Variants in PAWR observed in about 807,000 individuals in gnomAD.
The protein encoded by PAWR is pro-apoptotic WT1 regulator, also known as PRKC apoptosis WT1 regulator protein.
In PAWR, 23 loss-of-function variants were observed where a neutral mutation model predicts 32.0. The ratio of observed to expected loss-of-function variants is 0.72; its 90% CI spans 0.52 to 1.02. The LOEUF is 1.02. Among genes scored for constraint, PAWR ranks in the 50% least tolerant of loss-of-function variants. The pLI, the probability that PAWR is intolerant of heterozygous loss-of-function variation, is 0.00. For synonymous variants in PAWR, 226 were observed against 187.1 expected, an observed-to-expected ratio of 1.21 and a Z score of -1.70; for missense variants, 457 against 437.7, an observed-to-expected ratio of 1.04 and a Z score of -0.39.
chr12:79,637,440 A>C (rs1440421604), intron 2 of PAWR, among the ~76,000 whole-genome samples: 1 of 151,574 alleles, frequency 6.6e-6, no homozygotes, highest in Non-Finnish European at 1.5e-5. Context: ...CCATTCTGTC[A>C]TCACTCGACC....
chr12:79,585,122 T>C lies in PAWR; in HGVS notation c.*7485A>G, dbSNP rs1306595878. 2.2e-6 allele frequency: 1 copy of C among 451,814 alleles called. No homozygotes were observed. Among genetic ancestry groups the C allele is most frequent in the Admixed American group, 2.4e-5 (1 of 41,574 alleles). The allele number at this position is 451,814 out of a possible 1,614,324, so 28.0% of individuals were successfully genotyped here. A position where few individuals can be genotyped will look rare whatever the true frequency, so the allele number is the denominator to read the frequency against. On this transcript the variant is annotated 3_prime_UTR_variant, in exon 7 of 7. Transcript: ENST00000328827. Reference sequence around the variant, plus strand: ...TGAGGCTTCTCCTGATACAATCTTTTGCAACATAACCAACAAAGATCAGGA... The same window carrying C: ...TGAGGCTTCTCCTGATACAATCTTTCGCAACATAACCAACAAAGATCAGGA...
At chr12:79,642,723 T>C (rs1363638673) in intron 2 of PAWR, among the ~76,000 whole-genome samples, 1 of 152,128 alleles carries the variant, frequency 6.6e-6, no homozygotes, top group African/African-American at 2.4e-5. Context: ...ACAGTTCATA[T>C]TGGGGGCTAG....
chr12:79,639,881 T>TATTCC lies in PAWR; in HGVS notation c.517-18679_517-18675dup, dbSNP rs71091678. ...CTATTCCTATTCCTATTCCTATTCC[T>TATTCC]ATTCCATTCCATTCCATTCCATTCC... On this transcript the variant is annotated intron_variant, in intron 2 of 6. Transcript: ENST00000328827. Among the ~76,000 whole-genome samples the TATTCC allele has an allele frequency of 4.6e-3, 515 of 112,376 alleles. 16 individuals carry two copies. Among genetic ancestry groups the TATTCC allele is most frequent in the African/African-American group, 0.02 (397 of 19,642 alleles). The allele number at this position is 112,376 out of a possible 152,430, so 73.7% of individuals were successfully genotyped here.
intron 2 of PAWR, among the ~76,000 whole-genome samples, chr12:79,665,305 A>C (rs1407290099): frequency 6.6e-6 from 1 of 152,218 alleles, no homozygotes; most frequent in African/African-American, 2.4e-5. Flanking sequence ...CAAAAACAAC[A>C]AGAGATTAAG....
At position 79,615,929 on chromosome 12, in the gene PAWR, T is replaced by C. The variant is rs527388594; in HGVS notation, c.649-2320A>G. Among the ~76,000 whole-genome samples the C allele has an allele frequency of 2.6e-5, 4 of 151,904 alleles. No homozygotes were observed. In the South Asian group the frequency reaches 8.4e-4, roughly 32 times the overall value. On this transcript the variant is annotated intron_variant, in intron 3 of 6. Coordinates refer to ENST00000328827, the MANE Select transcript of PAWR (RefSeq NM_002583.4). ...AAAATTAGCTGGGTGAAGTGGCGTG[T>C]GCCTGTAGTCCCAGCTACTCGGGAG...
At chr12:79,644,876 G>A (rs919727305) in intron 2 of PAWR, among the ~76,000 whole-genome samples, 3 of 152,036 alleles carry the variant, frequency 2.0e-5, no homozygotes, top group African/African-American at 7.2e-5. Context: ...ATTTCTGAGG[G>A]AAACAAAGTA....
intron 3 of PAWR, among the ~76,000 whole-genome samples, chr12:79,618,692 C>T (rs1467428096): frequency 3.3e-5 from 5 of 152,044 alleles, no homozygotes; most frequent in African/African-American, 7.2e-5. Context: ...AAATGGATGA[C>T]GGCAGAGGAC....
At chr12:79,613,115 G>A (rs879176323) in intron 4 of PAWR, among the ~76,000 whole-genome samples, 5 of 152,094 alleles carry the variant, frequency 3.3e-5, no homozygotes, top group Admixed American at 3.3e-4. Flanking sequence ...GCCATGTGAG[G>A]ACACAGTGAG....
At chr12:79,613,072 G>A (rs978639339) in intron 4 of PAWR, among the ~76,000 whole-genome samples, 2 of 152,168 alleles carry the variant, frequency 1.3e-5, no homozygotes, top group Admixed American at 6.5e-5. Context: ...ACCTCAGAAA[G>A]CTTACTTTCC....
chr12:79,625,328 A>AG (rs1461322538), intron 2 of PAWR, among the ~76,000 whole-genome samples: 1 of 152,140 alleles, frequency 6.6e-6, no homozygotes, highest in African/African-American at 2.4e-5. Context: ...GAGAGAAATG[A>AG]GGGGGAAAAA....
chr12:79,662,143 A>T (rs1480074591), intron 2 of PAWR, among the ~76,000 whole-genome samples: 2 of 136,218 alleles, frequency 1.5e-5, no homozygotes, highest in African/African-American at 5.7e-5. Flanking sequence ...CTGAGGTAGG[A>T]GGTTTACTTG....
intron 4 of PAWR, among the ~76,000 whole-genome samples, chr12:79,599,958 T>C (rs920047241): frequency 3.3e-5 from 5 of 152,198 alleles, no homozygotes; most frequent in Non-Finnish European, 4.4e-5. Flanking sequence ...AAATAATGAA[T>C]TTGGTTTTGA....
Position 79,639,911 on chromosome 12 carries a change from C to T in PAWR, c.517-18704G>A, listed in dbSNP as rs766516333. ...CATTCCATTCCATTCCATTCCATTC[C>T]ATTCTATTCTAGAGATGGAGTCTCA... On this transcript the variant is annotated intron_variant, in intron 2 of 6. Transcript: ENST00000328827. Among the ~76,000 whole-genome samples, 489 of 102,762 alleles carry T rather than the reference C, an allele frequency of 4.8e-3. 11 individuals are homozygous for T. Among genetic ancestry groups the T allele is most frequent in the African/African-American group, 0.022 (444 of 20,110 alleles). 67.4% of individuals were successfully genotyped at this position (102,762 alleles called of 152,430 possible).
intron 5 of PAWR, among the ~76,000 whole-genome samples, chr12:79,594,936 C>T (rs952353423): frequency 3.3e-5 from 5 of 152,092 alleles, no homozygotes; most frequent in Non-Finnish European, 5.9e-5. Flanking sequence ...AGGCTGGTCT[C>T]GAACTCCTGA....
At chr12:79,601,769 C>T (rs1313923555) in intron 4 of PAWR, among the ~76,000 whole-genome samples, 4 of 151,976 alleles carry the variant, frequency 2.6e-5, no homozygotes, top group African/African-American at 4.8e-5. Flanking sequence ...ATCTTAACAC[C>T]GTGTGATACA....
At chr12:79,624,197 G>A (rs542163226) in intron 2 of PAWR, among the ~76,000 whole-genome samples, 7 of 152,182 alleles carry the variant, frequency 4.6e-5, no homozygotes, top group East Asian at 3.9e-4. Flanking sequence ...AGGTAGCCAC[G>A]CACTCCCAGA....
At chr12:79,627,587 T>G (rs1031270253) in intron 2 of PAWR, among the ~76,000 whole-genome samples, 8 of 152,250 alleles carry the variant, frequency 5.3e-5, no homozygotes, top group Admixed American at 2.0e-4. Flanking sequence ...AGAAGCTCTT[T>G]AGTTTAATTA....
At chr12:79,663,890 GA>G (rs1877469529) in intron 2 of PAWR, among the ~76,000 whole-genome samples, 1 of 152,136 alleles carries the variant, frequency 6.6e-6, no homozygotes, top group Non-Finnish European at 1.5e-5. Flanking sequence ...CCAGTTAACT[GA>G]AGAGTAAGAT....
At position 79,589,858 on chromosome 12, in the gene PAWR, GAAT is replaced by G. The variant is rs1434191442; in HGVS notation, c.*2746_*2748del. On this transcript the variant is annotated 3_prime_UTR_variant, in exon 7 of 7. Coordinates refer to ENST00000328827, the MANE Select transcript of PAWR (RefSeq NM_002583.4). ...TTTAAGAAATAGTATTTCTGAACAG[GAAT>G]AATAATTTCACAAATACTAACACTT... 6.6e-6 allele frequency: 1 copy of G among 152,056 alleles called. No individual in the cohort carries two copies. Among genetic ancestry groups the G allele is most frequent in the Non-Finnish European group, 1.5e-5 (1 of 67,986 alleles). The allele number at this position is 152,056 out of a possible 1,614,324, so 9.4% of individuals were successfully genotyped here.
Sources: gnomAD v4.1 joint callset for allele counts (sites outside exome capture counted in the v4.1 genomes callset) on GRCh38, gnomAD v4.1.1 for gene constraint, MANE v1.5 for transcripts, NCBI Gene and HGNC (gene_info 2026-07-23, HGNC 2026-07-21) for gene names.